PHF24: variants seen among roughly 807,000 people sequenced by gnomAD.
The protein encoded by PHF24 is PHD finger protein 24, also known as Galpha inhibitory interacting protein.
Under a neutral mutation model 42.6 loss-of-function variants are expected in PHF24, and 25 were observed. The observed-to-expected ratio is 0.59, with a 90% CI of 0.43 to 0.82. The LOEUF (loss-of-function observed/expected upper bound fraction) is 0.82, where lower values mean the gene tolerates loss of function less well. Ranked by LOEUF, PHF24 falls within the 40% of genes least tolerant of loss-of-function variation. PHF24 has a pLI of 0.00. For missense variants in PHF24, 470 were observed against 538.1 expected (o/e 0.87, Z 1.25); for synonymous variants, 185 against 204.8 (o/e 0.90, Z 0.83).
chr9:34,808,033 CA>C, the PHF24 span, among the ~76,000 whole-genome samples: 8 of 152,254 alleles, frequency 5.3e-5, 1 homozygote, highest in Admixed American at 5.2e-4. Flanking sequence ...AAGATCCTTG[CA>C]AAAACATATT....
chr9:34,809,605 G>A, the PHF24 span, among the ~76,000 whole-genome samples: 1 of 152,226 alleles, frequency 6.6e-6, no homozygotes, highest in Admixed American at 6.5e-5. This position sits in a 1 kb window ranked among gnomAD's most constrained non-coding sequence, Gnocchi z 4.1. Context: ...GAATGCCAGC[G>A]TCGTGAGCCT....
upstream of PHF24, among the ~76,000 whole-genome samples, chr9:34,954,260 T>G (rs190792031): frequency 8.5e-5 from 13 of 152,322 alleles, no homozygotes; most frequent in East Asian, 2.5e-3. Context: ...CAGGACACAC[T>G]GTCACTAATG....
At chr9:34,941,214 C>G in the PHF24 span, among the ~76,000 whole-genome samples, 1 of 152,096 alleles carries the variant, frequency 6.6e-6, no homozygotes, top group Non-Finnish European at 1.5e-5. Flanking sequence ...GGATGGTGCC[C>G]CATCCTTTCA....
intron 1 of PHF24, among the ~76,000 whole-genome samples, chr9:34,961,386 G>A (rs1015593870): frequency 2.0e-5 from 3 of 152,156 alleles, no homozygotes; most frequent in African/African-American, 7.2e-5. Flanking sequence ...CTGAAGACAT[G>A]ATTATTTTTT....
At chr9:34,737,128 T>C in the PHF24 span, among the ~76,000 whole-genome samples, 2 of 152,328 alleles carry the variant, frequency 1.3e-5, no homozygotes, top group African/African-American at 4.8e-5. Context: ...GGTGCAATCA[T>C]CACCACTAAT....
chr9:34,949,551 T>A, the PHF24 span, among the ~76,000 whole-genome samples: 1 of 152,220 alleles, frequency 6.6e-6, no homozygotes, highest in South Asian at 2.1e-4. Flanking sequence ...CATGCAGATG[T>A]ATGTTCACTG....
At chr9:34,833,324 G>T in the PHF24 span, 1 of 1,551,420 alleles carries the variant, frequency 6.4e-7, no homozygotes, top group Non-Finnish European at 8.7e-7. Context: ...TGAGATCTTG[G>T]AGACCGAGTG....
the PHF24 span, among the ~76,000 whole-genome samples, chr9:34,695,980 G>A: frequency 0.088 from 13,329 of 152,116 alleles, 1,949 homozygotes; most frequent in African/African-American, 0.3. Context: ...TCTGGAGCAC[G>A]TAGAAGCATC....
chr9:34,714,768 A>C, the PHF24 span, among the ~76,000 whole-genome samples: 1 of 152,156 alleles, frequency 6.6e-6, no homozygotes. Flanking sequence ...ATTGTAGAAA[A>C]AAAGGAGAGA....
the PHF24 span, chr9:34,723,646 G>T: frequency 3.2e-6 from 5 of 1,551,646 alleles, no homozygotes; most frequent in South Asian, 3.6e-5. Context: ...TTTGAGCATG[G>T]ACTGGCATCA....
the PHF24 span, among the ~76,000 whole-genome samples, chr9:34,840,383 T>C: frequency 2.0e-5 from 3 of 147,678 alleles, no homozygotes; most frequent in African/African-American, 7.5e-5. Context: ...ATAGTATAGA[T>C]AGTATAGATA....
At chr9:34,937,083 G>T in the PHF24 span, among the ~76,000 whole-genome samples, 14 of 64,056 alleles carry the variant, frequency 2.2e-4, 1 homozygote, top group Admixed American at 2.5e-3. Context: ...GGGCGCCTCT[G>T]CCCCGGCCGC....
At chr9:34,709,314 C>A in the PHF24 span, 1 of 1,551,462 alleles carries the variant, frequency 6.4e-7, no homozygotes, top group South Asian at 1.2e-5. Flanking sequence ...TGAGCATAGC[C>A]TCCTTCTTGC....
the PHF24 span, among the ~76,000 whole-genome samples, chr9:34,768,644 A>C: frequency 7.9e-5 from 12 of 152,246 alleles, no homozygotes; most frequent in African/African-American, 2.9e-4. Context: ...AAGAAAAGCT[A>C]TGACAAAACA....
chr9:34,826,690 G>A, the PHF24 span, among the ~76,000 whole-genome samples: 1 of 151,330 alleles, frequency 6.6e-6, no homozygotes, highest in Admixed American at 6.6e-5. Context: ...ATTCCGAAGT[G>A]CCCTTCTGGA....
the PHF24 span, among the ~76,000 whole-genome samples, chr9:34,821,940 T>C: frequency 6.6e-6 from 1 of 152,220 alleles, no homozygotes; most frequent in Non-Finnish European, 1.5e-5. Flanking sequence ...ACTTAAACTT[T>C]TATTTGTATA....
the PHF24 span, among the ~76,000 whole-genome samples, chr9:34,768,615 A>G: frequency 6.6e-6 from 1 of 152,204 alleles, no homozygotes; most frequent in Non-Finnish European, 1.5e-5. Flanking sequence ...TGCCTGGCGT[A>G]CGTTGGTGGC....
the PHF24 span, among the ~76,000 whole-genome samples, chr9:34,784,108 C>G: frequency 6.6e-6 from 1 of 152,176 alleles, no homozygotes; most frequent in Non-Finnish European, 1.5e-5. Flanking sequence ...CCCTGCATGG[C>G]TGGCTGGCAA....
chr9:34,767,669 T>C, the PHF24 span, among the ~76,000 whole-genome samples: 1 of 152,254 alleles, frequency 6.6e-6, no homozygotes, highest in Non-Finnish European at 1.5e-5. Flanking sequence ...AGTGAGGCAA[T>C]GCCTCGCCCT....
Sources: gnomAD v4.1 joint callset for allele counts (sites outside exome capture counted in the v4.1 genomes callset) on GRCh38, gnomAD v4.1.1 for gene constraint, Gnocchi (gnomAD v3.1) non-coding constraint, MANE v1.5 for transcripts, NCBI Gene and HGNC (gene_info 2026-07-23, HGNC 2026-07-21) for gene names.